The following FAM153A variants were observed in gnomAD, a reference collection of about 807,000 sequenced individuals.
FAM153A encodes protein FAM153A.
In FAM153A, 12 loss-of-function variants were observed where a neutral mutation model predicts 48.1. The observed-to-expected ratio is 0.25, with a 90% CI of 0.16 to 0.40. The LOEUF (loss-of-function observed/expected upper bound fraction) is 0.40, where lower values mean the gene tolerates loss of function less well. Ranked by LOEUF, FAM153A falls within the 10% of genes least tolerant of loss-of-function variation. FAM153A has a pLI of 1.00. For missense variants in FAM153A, 111 were observed against 345.8 expected (o/e 0.32, Z 5.38); for synonymous variants, 36 against 118.2 (o/e 0.30, Z 4.51).
intron 1 of FAM153A, among the ~76,000 whole-genome samples, chr5:177,765,809 A>C (rs796555285): frequency 0.065 from 7,722 of 118,380 alleles, 440 homozygotes; most frequent in African/African-American, 0.13. Flanking sequence ...CTGTGCCCCG[A>C]CCTACTTTGT....
chr5:177,698,766 C>T, the FAM153A span, among the ~76,000 whole-genome samples: 1 of 147,784 alleles, frequency 6.8e-6, no homozygotes. Context: ...TCGAGTGATC[C>T]TCCTGGCTCA....
intron 1 of FAM153A, among the ~76,000 whole-genome samples, chr5:177,766,058 A>G (rs1388047983): frequency 9.1e-6 from 1 of 109,542 alleles, no homozygotes; most frequent in Non-Finnish European, 2.0e-5. Context: ...CAGAGGTTGC[A>G]TTGAGCCAAG....
At chr5:177,703,494 G>C (rs200884544), downstream of FAM153A, among the ~76,000 whole-genome samples, 31,946 of 142,260 alleles carry the variant, frequency 0.22, 1,982 homozygotes, top group South Asian at 0.3. Context: ...GGACTTTTGA[G>C]TTAATGCTGG....
chr5:177,734,201 G>A (rs1360538967), intron 14 of FAM153A, among the ~76,000 whole-genome samples, 179 bp downstream of exon 16: 4 of 112,730 alleles, frequency 3.5e-5, no homozygotes, highest in Non-Finnish European at 5.9e-5. Flanking sequence ...CCCGGGGACT[G>A]CAGAATGTGG....
upstream of FAM153A, among the ~76,000 whole-genome samples, chr5:177,755,864 C>T (rs1221397420): frequency 6.7e-6 from 1 of 149,362 alleles, no homozygotes; most frequent in East Asian, 1.9e-4. Flanking sequence ...ACAACCGGTA[C>T]CAGCCACTGT....
chr5:177,733,699 C>A (rs1448527799), intron 14 of FAM153A, among the ~76,000 whole-genome samples: 1 of 150,710 alleles, frequency 6.6e-6, no homozygotes, highest in Non-Finnish European at 1.5e-5. Context: ...GTTCTGAGGG[C>A]TTTGGTAGAA....
the FAM153A span, among the ~76,000 whole-genome samples, chr5:177,696,469 A>AGT: frequency 5.9e-5 from 9 of 151,924 alleles, no homozygotes; most frequent in Non-Finnish European, 1.3e-4. Flanking sequence ...TTTAATGACT[A>AGT]GTGTGAAGTA....
At chr5:177,696,722 T>C in the FAM153A span, among the ~76,000 whole-genome samples, 1 of 151,580 alleles carries the variant, frequency 6.6e-6, no homozygotes, top group East Asian at 1.9e-4. Context: ...GCTGGAGTAC[T>C]GTGGTGTGAT....
At chr5:177,750,144 A>T (rs1274403115) in intron 2 of FAM153A, 1 of 151,626 alleles carries the variant, frequency 6.6e-6, no homozygotes, top group Non-Finnish European at 1.5e-5. Context: ...AGTTATACGT[A>T]GCTACATACT....
chr5:177,759,519 G>T (rs1438202666), intron 1 of FAM153A, among the ~76,000 whole-genome samples: 1 of 151,724 alleles, frequency 6.6e-6, no homozygotes, highest in Non-Finnish European at 1.5e-5. Flanking sequence ...GCACACGTAT[G>T]TTTATTGTGG....
chr5:177,726,129 CAA>C (rs1285985176), intron 18 of FAM153A, among the ~76,000 whole-genome samples: 3 of 140,486 alleles, frequency 2.1e-5, no homozygotes, highest in Admixed American at 7.2e-5. Flanking sequence ...TTGCAGGTCC[CAA>C]GAGTGTAGAG....
downstream of FAM153A, among the ~76,000 whole-genome samples, chr5:177,709,669 T>G (rs527243186): frequency 3.2e-5 from 4 of 124,240 alleles, no homozygotes; most frequent in East Asian, 2.2e-4. Context: ...CTGGGTTTTT[T>G]TTTTGTTTTT....
chr5:177,738,171 CCAAG>C (rs1178382434), intron 10 of FAM153A, among the ~76,000 whole-genome samples: 1 of 151,276 alleles, frequency 6.6e-6, no homozygotes, highest in African/African-American at 2.5e-5. Context: ...AGGATAACAC[CCAAG>C]TTTTTCCTTC....
chr5:177,746,168 G>A (rs1388393800), intron 4 of FAM153A, among the ~76,000 whole-genome samples: 1 of 151,478 alleles, frequency 6.6e-6, no homozygotes, highest in Non-Finnish European at 1.5e-5. Flanking sequence ...TCCGAGGACT[G>A]GGGATATTAA....
upstream of FAM153A, among the ~76,000 whole-genome samples, chr5:177,781,262 C>CTTTTTTTT (rs1769622553): frequency 2.2e-5 from 2 of 89,008 alleles, no homozygotes; most frequent in African/African-American, 1.2e-4. Flanking sequence ...CCACGCCCGG[C>CTTTTTTTT]TATTTTTTTT....
At chr5:177,734,722 C>T in intron 13 of FAM153A, 141 bp downstream of exon 15, 1 of 1,337,480 alleles carries the variant, frequency 7.5e-7, no homozygotes. Context: ...TCAGTGGGGA[C>T]AGACTCTCAC....
At chr5:177,738,057 A>G (rs534708424) in intron 10 of FAM153A, among the ~76,000 whole-genome samples, 2 of 151,436 alleles carry the variant, frequency 1.3e-5, no homozygotes, top group Non-Finnish European at 1.5e-5. Context: ...TCATGCTCAC[A>G]CTGGCTCCAG....
chr5:177,761,382 G>A lies in FAM153A; in HGVS notation c.-56-12683C>T, dbSNP rs567413251. 7.4e-3 allele frequency among the ~76,000 whole-genome samples: 1,121 copies of A among 151,850 alleles called. 1 individual carries two copies. Among genetic ancestry groups the A allele is most frequent in the Non-Finnish European group, 0.012 (806 of 67,952 alleles). Reference sequence around the variant, plus strand: ...ATCCTAGTGGCCTGTGAATGACCTTGTGAGGGTCACCAGGCCCCCTCGGCT... The same window carrying A: ...ATCCTAGTGGCCTGTGAATGACCTTATGAGGGTCACCAGGCCCCCTCGGCT... On this transcript the variant is annotated intron_variant, in intron 1 of 8. Transcript: ENST00000393518.
At chr5:177,754,985 G>A (rs985734230), upstream of FAM153A, among the ~76,000 whole-genome samples, 2 of 151,950 alleles carry the variant, frequency 1.3e-5, no homozygotes, top group African/African-American at 4.9e-5. Flanking sequence ...AAGCTGGATG[G>A]AGGATGACTT....
Sources: gnomAD v4.1 joint callset for allele counts (sites outside exome capture counted in the v4.1 genomes callset) on GRCh38, gnomAD v4.1.1 for gene constraint, MANE v1.5 for transcripts, NCBI Gene and HGNC (gene_info 2026-07-23, HGNC 2026-07-21) for gene names.